CCDC192: variants seen among roughly 807,000 people sequenced by gnomAD.
CCDC192 encodes coiled-coil domain-containing protein 192.
intron 5 of CCDC192, among the ~76,000 whole-genome samples, chr5:127,801,955 G>T (rs888307352): frequency 6.6e-6 from 1 of 152,180 alleles, no homozygotes; most frequent in Non-Finnish European, 1.5e-5. Flanking sequence ...GGTTGGATCA[G>T]TTGGGTGCCT....
At position 127,845,290 on chromosome 5, in the gene CCDC192, G is replaced by A. The variant is rs553415786; in HGVS notation, c.412-30248G>A. On this transcript the variant is annotated intron_variant, in intron 5 of 6. Transcript: ENST00000514853. ...CTAGTAGGAATAGTGAGAGTGGGCC[G>A]CCCTTTCAAGACATGTGGCCACGAA... 6.2e-4 allele frequency among the ~76,000 whole-genome samples: 95 copies of A among 152,260 alleles called. 1 individual carries two copies. Among genetic ancestry groups the A allele is most frequent in the African/African-American group, 2.2e-3 (92 of 41,546 alleles).
intron 3 of CCDC192, among the ~76,000 whole-genome samples, chr5:127,761,311 C>A (rs1754918177): frequency 6.6e-6 from 1 of 152,014 alleles, no homozygotes; most frequent in Non-Finnish European, 1.5e-5. Flanking sequence ...TTGATAAGAC[C>A]CCTGACTCAT....
At chr5:127,734,352 G>A (rs1016860726) in intron 2 of CCDC192, among the ~76,000 whole-genome samples, 2 of 151,942 alleles carry the variant, frequency 1.3e-5, no homozygotes, top group African/African-American at 2.4e-5. Context: ...TTGGTTCCAA[G>A]TCTTTGCTAT....
intron 5 of CCDC192, among the ~76,000 whole-genome samples, chr5:127,821,643 G>A (rs984772266): frequency 6.6e-6 from 1 of 152,156 alleles, no homozygotes; most frequent in Non-Finnish European, 1.5e-5. Flanking sequence ...GCCCAGCTCA[G>A]AACCTATTGT....
chr5:127,887,940 T>C (rs927941046), intron 6 of CCDC192, among the ~76,000 whole-genome samples: 4 of 151,902 alleles, frequency 2.6e-5, no homozygotes, highest in African/African-American at 9.7e-5. Context: ...CTTGACCTCG[T>C]GATCCACCCG....
chr5:127,936,379 C>T (rs1434393740), intron 6 of CCDC192, among the ~76,000 whole-genome samples: 1 of 152,182 alleles, frequency 6.6e-6, no homozygotes, highest in Non-Finnish European at 1.5e-5. Flanking sequence ...GTCATATTTT[C>T]TTCTGGGCCT....
At chr5:127,863,631 A>G (rs920835735) in intron 5 of CCDC192, among the ~76,000 whole-genome samples, 1 of 152,232 alleles carries the variant, frequency 6.6e-6, no homozygotes, top group African/African-American at 2.4e-5. Flanking sequence ...TGGTTGCACA[A>G]CAATGTGCCT....
At chr5:127,936,072 C>T (rs1436705037) in intron 6 of CCDC192, among the ~76,000 whole-genome samples, 1 of 151,986 alleles carries the variant, frequency 6.6e-6, no homozygotes, top group Non-Finnish European at 1.5e-5. Context: ...CCATCGCACT[C>T]CAGCCTGGGC....
At chr5:127,743,091 A>T (rs563678836) in intron 2 of CCDC192, among the ~76,000 whole-genome samples, 8 of 152,032 alleles carry the variant, frequency 5.3e-5, no homozygotes, top group Non-Finnish European at 7.4e-5. Context: ...CAAGAGAGAC[A>T]CAGACAGGAG....
At chr5:127,750,880 G>T (rs1754115146) in intron 2 of CCDC192, among the ~76,000 whole-genome samples, 1 of 150,992 alleles carries the variant, frequency 6.6e-6, no homozygotes, top group African/African-American at 2.4e-5. Context: ...GGCCTTCTTT[G>T]TCTCTTTTGA....
intron 2 of CCDC192, among the ~76,000 whole-genome samples, chr5:127,726,676 G>A (rs1183777514): frequency 2.6e-5 from 4 of 152,226 alleles, no homozygotes; most frequent in Non-Finnish European, 4.4e-5. Flanking sequence ...TCTTGAGGCT[G>A]GACCTCGACC....
chr5:127,733,933 T>TATA lies in CCDC192; in HGVS notation c.115-20335_115-20334insATA, dbSNP rs1561453643. Among the ~76,000 whole-genome samples, 255 of 150,074 alleles carry TATA rather than the reference T, an allele frequency of 1.7e-3. 1 individual carries two copies. The highest frequency in any genetic ancestry group is 5.7e-3 in the African/African-American group (234 of 41,036). Reference sequence around the variant, plus strand: ...TCACTAACTATATATATATATATATTTTTTTATTATACTTTAAGTTTTAGG... The same window carrying TATA: ...TCACTAACTATATATATATATATATTATATTTTTATTATACTTTAAGTTTTAGG... On this transcript the variant is annotated intron_variant, in intron 2 of 6. Transcript: ENST00000514853.
At chr5:127,935,096 C>T (rs1194947857) in intron 6 of CCDC192, 1 of 152,224 alleles carries the variant, frequency 6.6e-6, no homozygotes, top group Admixed American at 6.5e-5. Context: ...AAAAGTAAAC[C>T]TTCATGAGTG....
At chr5:127,747,296 C>G (rs1753829021) in intron 2 of CCDC192, among the ~76,000 whole-genome samples, 1 of 151,868 alleles carries the variant, frequency 6.6e-6, no homozygotes, top group Admixed American at 6.6e-5. Context: ...GTGATGTTCC[C>G]CTTCCTGTGT....
At chr5:127,923,664 T>A (rs915807532) in intron 6 of CCDC192, among the ~76,000 whole-genome samples, 13 of 152,062 alleles carry the variant, frequency 8.5e-5, no homozygotes, top group Non-Finnish European at 1.5e-4. Flanking sequence ...GGCGTGAGCC[T>A]CCGCGCCCGG....
intron 5 of CCDC192, among the ~76,000 whole-genome samples, chr5:127,831,985 A>G (rs1004235361): frequency 2.0e-5 from 3 of 152,102 alleles, no homozygotes; most frequent in African/African-American, 7.2e-5. Flanking sequence ...ATTCAAATAA[A>G]TAGAAGGAAT....
At chr5:127,878,736 T>G (rs1433680459) in intron 6 of CCDC192, among the ~76,000 whole-genome samples, 2 of 151,766 alleles carry the variant, frequency 1.3e-5, no homozygotes, top group Admixed American at 6.6e-5. Flanking sequence ...TTTCCAATTC[T>G]GTGAAGAAAG....
chr5:127,783,637 A>G (rs778001589), intron 3 of CCDC192, among the ~76,000 whole-genome samples: 3 of 152,074 alleles, frequency 2.0e-5, no homozygotes, highest in Non-Finnish European at 4.4e-5. Context: ...TGTTAAGTCT[A>G]TTTGTTCCAA....
chr5:127,854,794 A>G (rs1750989839), intron 5 of CCDC192, among the ~76,000 whole-genome samples: 1 of 152,230 alleles, frequency 6.6e-6, no homozygotes, highest in Non-Finnish European at 1.5e-5. Context: ...CAGTGCATAT[A>G]AAAGTTACTT....
Sources: gnomAD v4.1 joint callset for allele counts (sites outside exome capture counted in the v4.1 genomes callset) on GRCh38, gnomAD v4.1.1 for gene constraint, MANE v1.5 for transcripts, NCBI Gene and HGNC (gene_info 2026-07-23, HGNC 2026-07-21) for gene names.